ZNF782: variants seen among roughly 807,000 people sequenced by gnomAD.
The protein encoded by ZNF782 is zinc finger protein 782.
ZNF782 carries 12 observed loss-of-function variants against 13.0 expected under a neutral mutation model. That is an observed-to-expected ratio of 0.92 (90% CI 0.59 to 1.50). The LOEUF is 1.50. Among genes scored for constraint, ZNF782 ranks in the 40% most tolerant of loss-of-function variants. ZNF782 has a pLI of 0.00. For missense variants in ZNF782, 770 were observed against 822.9 expected (o/e 0.94, Z 0.79); for synonymous variants, 284 against 283.0 (o/e 1.00, Z -0.04).
At chr9:96,911,626 T>C in the ZNF782 span, among the ~76,000 whole-genome samples, 1 of 148,258 alleles carries the variant, frequency 6.7e-6, no homozygotes, top group Non-Finnish European at 1.5e-5. Flanking sequence ...GTTCAAGCCA[T>C]TATCCTGCCT....
At chr9:96,906,865 A>G in the ZNF782 span, among the ~76,000 whole-genome samples, 1 of 152,272 alleles carries the variant, frequency 6.6e-6, no homozygotes, top group African/African-American at 2.4e-5. Context: ...ATTTCTGGTG[A>G]CCAGCCCCCA....
chr9:96,933,559 A>G, the ZNF782 span: 1 of 151,878 alleles, frequency 6.6e-6, no homozygotes, highest in African/African-American at 2.4e-5. Flanking sequence ...TTTTTAGTAG[A>G]GACGGGGTTT....
chr9:96,884,749 G>C, the ZNF782 span, among the ~76,000 whole-genome samples: 3 of 152,286 alleles, frequency 2.0e-5, no homozygotes, highest in East Asian at 5.8e-4. Context: ...TTTTTACCAG[G>C]ATGGTTTGGA....
chr9:96,864,765 CTCA>C (rs1564015497), intron 1 of ZNF782, among the ~76,000 whole-genome samples: 1 of 151,460 alleles, frequency 6.6e-6, no homozygotes, highest in African/African-American at 2.4e-5. Flanking sequence ...GATACAGTGG[CTCA>C]TGTCTGTAAT....
chr9:96,887,338 G>GAAGAAAGA, the ZNF782 span: 1 of 128,168 alleles, frequency 7.8e-6, no homozygotes, highest in Non-Finnish European at 1.7e-5. Context: ...AGGAAGGAAG[G>GAAGAAAGA]AAGAAAGAAA....
chr9:96,867,464 C>T (rs538482544), intron 1 of ZNF782, among the ~76,000 whole-genome samples: 5 of 152,268 alleles, frequency 3.3e-5, no homozygotes, highest in African/African-American at 9.6e-5. Flanking sequence ...TGCCCTGTCT[C>T]GGGTATTTAT....
chr9:96,819,560 A>G lies in ZNF782; in HGVS notation c.463T>C (p.Cys155Arg). Residue 155 changes from cysteine (C) to arginine (R), a missense_variant, in exon 6 of 6, where the codon TGT becomes CGT. Physicochemically the swap from Cys to Arg is radical, Grantham distance 180. Transcript: ENST00000481138. ...CQGLSLMAPH[C>R]QYSKEKAHER... The stretch of plus-strand genomic sequence containing the variant: ...TGAGCCTTTTCTTTTGAATACTGAC[A>G]GTGTGGGGCCATCAGGCTGAGCCCC... 2 of 1,612,606 alleles carry G rather than the reference A, an allele frequency of 1.2e-6. No homozygotes were observed. The highest frequency in any genetic ancestry group is 1.7e-4 in the Middle Eastern group (1 of 6,050).
At chr9:96,912,136 G>A in the ZNF782 span, among the ~76,000 whole-genome samples, 16,529 of 143,900 alleles carry the variant, frequency 0.11, 401 homozygotes, top group East Asian at 0.48. Flanking sequence ...GGGAGTCGGA[G>A]GTTGTGGTGA....
chr9:96,895,083 T>G, the ZNF782 span: 1 of 152,160 alleles, frequency 6.6e-6, no homozygotes, highest in African/African-American at 2.4e-5. Context: ...TCCAATATTT[T>G]TAAAGAGCTC....
chr9:96,817,813 G>A lies in ZNF782; in HGVS notation c.*110C>T, dbSNP rs1850218570. 6 of 943,606 alleles carry A rather than the reference G, an allele frequency of 6.4e-6. No homozygotes were observed. Among genetic ancestry groups the A allele is most frequent in the Non-Finnish European group, 9.1e-6 (6 of 656,772 alleles). The allele number at this position is 943,606 out of a possible 1,614,324, so 58.5% of individuals were successfully genotyped here. A position where few individuals can be genotyped will look rare whatever the true frequency, so the allele number is the denominator to read the frequency against. ...ATTTGGTGGAGGCTGAAATTGTAGA[G>A]GAAATTCCAGTGCTCACTATGTTAA... On this transcript the variant is annotated 3_prime_UTR_variant, in exon 6 of 6. Coordinates refer to ENST00000481138, the MANE Select transcript of ZNF782 (RefSeq NM_001001662.3).
intron 5 of ZNF782, among the ~76,000 whole-genome samples, chr9:96,820,394 CT>C (rs753618031): frequency 6.6e-6 from 1 of 152,112 alleles, no homozygotes; most frequent in Non-Finnish European, 1.5e-5. Flanking sequence ...TTAATTCTGT[CT>C]GCATTATCAT....
exon 1 of ZNF782, chr9:96,875,509 C>A (rs1281490617): frequency 2.2e-6 from 1 of 456,648 alleles, no homozygotes; most frequent in African/African-American, 2.0e-5. Context: ...TCGGTCTCCA[C>A]AGCTCGGGGT....
chr9:96,887,340 A>AGG, the ZNF782 span: 1 of 144,432 alleles, frequency 6.9e-6, no homozygotes, highest in African/African-American at 2.6e-5. Context: ...GAAGGAAGGA[A>AGG]GAAAGAAAGA....
At position 96,860,124 on chromosome 9, in the gene ZNF782, T is replaced by C. The variant is rs532065188; in HGVS notation, c.-207+117A>G. On this transcript the variant is annotated intron_variant, in intron 3 of 5. Coordinates refer to the ZNF782 transcript ENST00000498811. ...ATGGTAGAACAGAACACCAGGTAGATTTATAAGGTTTATGACTGAGAGCCC... is the reference window on the plus strand; with the variant it reads ...ATGGTAGAACAGAACACCAGGTAGACTTATAAGGTTTATGACTGAGAGCCC... The C allele has an allele frequency of 5.3e-5, 8 of 152,202 alleles. No homozygotes were observed. The East Asian group carries it at 1.2e-3, about 22-fold the overall frequency. The allele number at this position is 152,202 out of a possible 1,614,324, so 9.4% of individuals were successfully genotyped here. A position where few individuals can be genotyped will look rare whatever the true frequency, so the allele number is the denominator to read the frequency against.
At chr9:96,866,076 C>A (rs1851750522) in intron 1 of ZNF782, among the ~76,000 whole-genome samples, 2 of 152,084 alleles carry the variant, frequency 1.3e-5, no homozygotes, top group Admixed American at 1.3e-4. Flanking sequence ...AAAGAAAATC[C>A]CATTTTCTGA....
At chr9:96,908,244 G>A in the ZNF782 span, among the ~76,000 whole-genome samples, 1 of 151,676 alleles carries the variant, frequency 6.6e-6, no homozygotes, top group South Asian at 2.1e-4. Context: ...ATCATGGCTC[G>A]CTGCAGCCTC....
the ZNF782 span, chr9:96,933,688 A>G: frequency 6.6e-6 from 1 of 152,324 alleles, no homozygotes. Flanking sequence ...TAGGTCTTTG[A>G]GTGTACACCC....
intron 3 of ZNF782, among the ~76,000 whole-genome samples, chr9:96,849,080 T>C (rs1213142170): frequency 6.6e-6 from 1 of 152,114 alleles, no homozygotes; most frequent in Non-Finnish European, 1.5e-5. Context: ...AACGGGGGAA[T>C]GGACATCCTA....
chr9:96,845,815 G>T (rs540538823), intron 3 of ZNF782, among the ~76,000 whole-genome samples: 1 of 152,312 alleles, frequency 6.6e-6, no homozygotes, highest in East Asian at 1.9e-4. Flanking sequence ...GACCTGGCTA[G>T]ATATTTACAT....
Sources: gnomAD v4.1 joint callset for allele counts (sites outside exome capture counted in the v4.1 genomes callset) on GRCh38, gnomAD v4.1.1 for gene constraint, MANE v1.5 for transcripts, NCBI Gene and HGNC (gene_info 2026-07-23, HGNC 2026-07-21) for gene names.